Variants in TRPM3 observed in about 807,000 individuals in gnomAD.
TRPM3 encodes the protein transient receptor potential cation channel subfamily M member 3, also known as long transient receptor potential channel 3.
Under a neutral mutation model 181.2 loss-of-function variants are expected in TRPM3, and 77 were observed. That is an observed-to-expected ratio of 0.42 (90% CI 0.35 to 0.51). The LOEUF is 0.51. TRPM3 is among the 20% of genes least tolerant of loss of function. TRPM3 has a pLI of 0.01. For missense variants in TRPM3, 1,759 were observed against 2,196.7 expected, an observed-to-expected ratio of 0.80 and a Z score of 3.98; for synonymous variants, 745 against 796.4, an observed-to-expected ratio of 0.94 and a Z score of 1.09.
intron 9 of TRPM3, among the ~76,000 whole-genome samples, chr9:70,661,138 T>C (rs1006982881): frequency 1.0e-4 from 6 of 59,224 alleles, no homozygotes; most frequent in Non-Finnish European, 2.0e-4. Context: ...CATATGCAAG[T>C]CAAGTCAATA....
At chr9:70,874,541 C>G (rs1306140208) in intron 1 of TRPM3, among the ~76,000 whole-genome samples, 1 of 151,878 alleles carries the variant, frequency 6.6e-6, no homozygotes, top group Admixed American at 6.6e-5. Context: ...CGTTTTCTGT[C>G]AAGTAAATGC....
chr9:71,399,685 C>T lies in TRPM3; in HGVS notation c.183+46968G>A, dbSNP rs147513678. 2.0e-3 allele frequency among the ~76,000 whole-genome samples: 305 copies of T among 151,846 alleles called. 1 individual carries two copies. Among genetic ancestry groups the T allele is most frequent in the African/African-American group, 7.0e-3 (291 of 41,438 alleles). On this transcript the variant is annotated intron_variant, in intron 1 of 24. Transcript: ENST00000357533. Reference sequence around the variant, plus strand: ...CTGGGACTACAGGCACCCGCCACCACGCCCAGCTAATTTTTTTTTGTAGTT... The same window carrying T: ...CTGGGACTACAGGCACCCGCCACCATGCCCAGCTAATTTTTTTTTGTAGTT...
In TRPM3 at chr9:70,826,392, A is replaced by G. The variant is rs544930201; in HGVS notation, c.973+1455T>C. 3.9e-5 allele frequency: 6 copies of G among 152,316 alleles called. No individual in the cohort carries two copies. In the East Asian group the frequency reaches 1.2e-3, roughly 29 times the overall value. The allele number at this position is 152,316 out of a possible 1,614,324, so 9.4% of individuals were successfully genotyped here. On this transcript the variant is annotated intron_variant, in intron 6 of 25. Transcript: ENST00000677713. ...CAGAAGATGTTCACCTTGGGATAATAACACTTGTGTTTCTTCTTTCCAAAG... is the reference window on the plus strand; with the variant it reads ...CAGAAGATGTTCACCTTGGGATAATGACACTTGTGTTTCTTCTTTCCAAAG...
intron 22 of TRPM3, among the ~76,000 whole-genome samples, chr9:70,573,696 A>T (rs534727493): frequency 6.6e-6 from 1 of 152,128 alleles, no homozygotes; most frequent in Non-Finnish European, 1.5e-5. Context: ...TCAAAAAAAA[A>T]CCCTTGAATT....
At chr9:71,371,916 C>T (rs879325295) in intron 1 of TRPM3, among the ~76,000 whole-genome samples, 2 of 152,146 alleles carry the variant, frequency 1.3e-5, no homozygotes, top group African/African-American at 2.4e-5. Context: ...ATTTGCTGCA[C>T]AGATCCTCTC....
chr9:71,437,013 G>A (rs1417191485), intron 1 of TRPM3, among the ~76,000 whole-genome samples: 1 of 152,020 alleles, frequency 6.6e-6, no homozygotes, highest in African/African-American at 2.4e-5. Flanking sequence ...CAATTAATGG[G>A]TCAAATATTT....
intron 1 of TRPM3, among the ~76,000 whole-genome samples, chr9:71,260,822 G>T (rs1299749183): frequency 6.6e-6 from 1 of 152,202 alleles, no homozygotes; most frequent in Non-Finnish European, 1.5e-5. Context: ...CATGCCATCT[G>T]CAAACAGAGA....
intron 1 of TRPM3, among the ~76,000 whole-genome samples, chr9:70,987,188 A>G (rs1292785649): frequency 1.3e-5 from 2 of 152,144 alleles, no homozygotes; most frequent in East Asian, 1.9e-4. Flanking sequence ...CAAAATCAAC[A>G]TAACAACTGA....
chr9:71,179,603 T>C (rs1355639571), intron 1 of TRPM3, among the ~76,000 whole-genome samples: 4 of 152,150 alleles, frequency 2.6e-5, no homozygotes, highest in African/African-American at 9.7e-5. Context: ...CTGTAGAAAC[T>C]GAAACTGTAA....
At chr9:70,987,154 C>T (rs1395817810) in intron 1 of TRPM3, among the ~76,000 whole-genome samples, 1 of 151,998 alleles carries the variant, frequency 6.6e-6, no homozygotes, top group African/African-American at 2.4e-5. Context: ...GTGCATTAAA[C>T]TGAATTGAAA....
intron 1 of TRPM3, among the ~76,000 whole-genome samples, chr9:71,425,100 C>CTCTGATT (rs2093840345): frequency 6.6e-6 from 1 of 151,794 alleles, no homozygotes; most frequent in African/African-American, 2.4e-5. Flanking sequence ...CTACATATGT[C>CTCTGATT]TCTGGTTTTT....
chr9:71,088,589 G>A (rs1372372570), intron 1 of TRPM3, among the ~76,000 whole-genome samples: 1 of 151,974 alleles, frequency 6.6e-6, no homozygotes, highest in African/African-American at 2.4e-5. Flanking sequence ...TTACTTAATT[G>A]TAGAAAGTCC....
At chr9:71,432,577 T>A (rs1364604852) in intron 1 of TRPM3, among the ~76,000 whole-genome samples, 1 of 152,216 alleles carries the variant, frequency 6.6e-6, no homozygotes, top group African/African-American at 2.4e-5. Context: ...ATTGTTTATC[T>A]TTTAAGGAAA....
intron 1 of TRPM3, among the ~76,000 whole-genome samples, chr9:70,922,964 C>G (rs1020156600): frequency 6.6e-6 from 1 of 152,128 alleles, no homozygotes; most frequent in African/African-American, 2.4e-5. Flanking sequence ...ATGAGATCAT[C>G]TGAAACAGTG....
intron 8 of TRPM3, among the ~76,000 whole-genome samples, chr9:70,757,967 A>G (rs1024916714): frequency 3.3e-5 from 5 of 152,230 alleles, no homozygotes; most frequent in Admixed American, 2.6e-4. Flanking sequence ...ATAGTATTGG[A>G]AGTTCTGGCC....
chr9:70,755,514 G>C (rs1337853134), intron 8 of TRPM3, among the ~76,000 whole-genome samples: 1 of 151,884 alleles, frequency 6.6e-6, no homozygotes, highest in Non-Finnish European at 1.5e-5. Context: ...GGGATTACAG[G>C]CATGCACCAC....
intron 5 of TRPM3, among the ~76,000 whole-genome samples, chr9:70,838,497 G>A (rs2094453230): frequency 6.6e-6 from 1 of 152,104 alleles, no homozygotes; most frequent in Admixed American, 6.5e-5. Context: ...TAAGCCCCCT[G>A]GTCTGTGGCA....
chr9:70,876,682 G>A (rs2095874536), intron 1 of TRPM3, among the ~76,000 whole-genome samples: 1 of 151,758 alleles, frequency 6.6e-6, no homozygotes, highest in Non-Finnish European at 1.5e-5. Flanking sequence ...TCTAATCTCT[G>A]AATATTTGTT....
intron 1 of TRPM3, among the ~76,000 whole-genome samples, chr9:71,364,869 C>A (rs889653067): frequency 1.3e-5 from 2 of 152,142 alleles, no homozygotes; most frequent in African/African-American, 4.8e-5. Context: ...TTCTTTTTAA[C>A]TGAATCATCA....
Sources: gnomAD v4.1 joint callset for allele counts (sites outside exome capture counted in the v4.1 genomes callset) on GRCh38, gnomAD v4.1.1 for gene constraint, MANE v1.5 for transcripts, NCBI Gene and HGNC (gene_info 2026-07-23, HGNC 2026-07-21) for gene names.